The following SDK2 variants were observed in gnomAD, a reference collection of about 807,000 sequenced individuals.
The protein encoded by SDK2 is protein sidekick-2.
Under a neutral mutation model 253.9 loss-of-function variants are expected in SDK2, and 105 were observed. That is an observed-to-expected ratio of 0.41 (90% CI 0.35 to 0.49). The LOEUF (loss-of-function observed/expected upper bound fraction) is 0.49, where lower values mean the gene tolerates loss of function less well. Among genes scored for constraint, SDK2 ranks in the 20% least tolerant of loss-of-function variants. SDK2 has a pLI of 0.06. For missense variants in SDK2, 2,608 were observed against 3,003.0 expected (o/e 0.87, Z 3.07); for synonymous variants, 1,249 against 1,234.9 (o/e 1.01, Z -0.24).
At chr17:73,542,568 T>C (rs1389584435) in intron 1 of SDK2, among the ~76,000 whole-genome samples, 1 of 152,184 alleles carries the variant, frequency 6.6e-6, no homozygotes, top group Non-Finnish European at 1.5e-5. Context: ...AGCTGTGCCC[T>C]GCTGGGCAGG....
intron 1 of SDK2, among the ~76,000 whole-genome samples, chr17:73,581,283 C>T (rs1329841282): frequency 1.3e-5 from 2 of 152,220 alleles, no homozygotes; most frequent in Admixed American, 6.5e-5. Flanking sequence ...TCACTTTACA[C>T]TGGGCCCTGC....
intron 1 of SDK2, among the ~76,000 whole-genome samples, chr17:73,530,069 CG>C (rs2064157446): frequency 1.3e-5 from 2 of 152,248 alleles, no homozygotes; most frequent in East Asian, 3.9e-4. Flanking sequence ...GCATTCCAGT[CG>C]AACCCATACC....
Position 73,644,170 on chromosome 17 carries a change from T to A in SDK2, c.-82A>T. The A allele has an allele frequency of 8.4e-7, 1 of 1,190,798 alleles. No individual in the cohort carries two copies. The highest frequency in any genetic ancestry group is 1.2e-6 in the Non-Finnish European group (1 of 822,954). The allele number at this position is 1,190,798 out of a possible 1,614,324, so 73.8% of individuals were successfully genotyped here. A position where few individuals can be genotyped will look rare whatever the true frequency, so the allele number is the denominator to read the frequency against. The stretch of plus-strand genomic sequence containing the variant: ...AATCCTGGTGGGGTCCGATACCCCG[T>A]GGCTTAGTCCCAGGAAACAGTCAGT... On this transcript the variant is annotated 5_prime_UTR_variant, in exon 1 of 45. Coordinates refer to ENST00000392650, the MANE Select transcript of SDK2 (RefSeq NM_001144952.2). The surrounding 1 kb of genome is among the most constrained non-coding windows in gnomAD (Gnocchi z 6.3).
chr17:73,339,641 C>A (rs2062417149), intron 44 of SDK2, among the ~76,000 whole-genome samples: 1 of 152,026 alleles, frequency 6.6e-6, no homozygotes, highest in South Asian at 2.1e-4. Context: ...GTAGCCTCAA[C>A]CTCCTAAGCT....
At chr17:73,587,227 C>T (rs1252969287) in intron 1 of SDK2, among the ~76,000 whole-genome samples, 1 of 152,168 alleles carries the variant, frequency 6.6e-6, no homozygotes, top group Non-Finnish European at 1.5e-5. Context: ...GTCCCCTAGG[C>T]AAAATCAGCT....
intron 1 of SDK2, among the ~76,000 whole-genome samples, chr17:73,626,068 C>G (rs540946653): frequency 7.0e-6 from 1 of 143,840 alleles, no homozygotes; most frequent in Non-Finnish European, 1.6e-5. Flanking sequence ...GAGCACTGAG[C>G]GAGACAGAGC....
At chr17:73,497,674 A>G (rs1345663125) in intron 2 of SDK2, among the ~76,000 whole-genome samples, 2 of 151,088 alleles carry the variant, frequency 1.3e-5, no homozygotes, top group Non-Finnish European at 3.0e-5. Context: ...AAGATGGCCC[A>G]GCCGCCCCTC....
intron 44 of SDK2, among the ~76,000 whole-genome samples, chr17:73,346,698 A>G (rs1220549730): frequency 1.3e-5 from 2 of 152,212 alleles, no homozygotes; most frequent in Non-Finnish European, 2.9e-5. Flanking sequence ...ATATCACAGG[A>G]AAACGACTGG....
In SDK2 at chr17:73,381,414, CA is replaced by C. The variant is rs879356942; in HGVS notation, c.4706-465del. On this transcript the variant is annotated intron_variant, in intron 33 of 44. Coordinates refer to ENST00000392650, the MANE Select transcript of SDK2 (RefSeq NM_001144952.2). ...AATCACAACCACAAGCACATATGGG[CA>C]AAAAAAAAAAGAAGGAAAAAAAGTC... Among the ~76,000 whole-genome samples the C allele has an allele frequency of 1.5e-3, 200 of 137,680 alleles. 1 individual carries two copies. Among genetic ancestry groups the C allele is most frequent in the East Asian group, 7.2e-3 (35 of 4,834 alleles). 90.3% of individuals were successfully genotyped at this position (137,680 alleles called of 152,430 possible). A position where few individuals can be genotyped will look rare whatever the true frequency, so the allele number is the denominator to read the frequency against.
chr17:73,423,849 G>A, intron 13 of SDK2, 67 bp downstream of exon 13: 1 of 1,339,374 alleles, frequency 7.5e-7, no homozygotes, highest in South Asian at 1.4e-5. Context: ...GGACTCGGCT[G>A]GCTCTGAGCA....
At position 73,616,451 on chromosome 17, in the gene SDK2, C is replaced by T. The variant is rs2046058687; in HGVS notation, c.64+27574G>A. ...TTTCACTTGGGCAGGCTGACCGTGG[C>T]CTCAAGGACCACTGTCGCAATGCTT... On this transcript the variant is annotated intron_variant, in intron 1 of 44. Transcript: ENST00000392650. The surrounding 1 kb of genome is among the most constrained non-coding windows in gnomAD (Gnocchi z 5.2). Among the ~76,000 whole-genome samples the T allele has an allele frequency of 6.6e-6, 1 of 152,040 alleles. No individual in the cohort carries two copies. The highest frequency in any genetic ancestry group is 2.4e-5 in the African/African-American group (1 of 41,374).
In SDK2 at chr17:73,541,593, C is replaced by A. The variant is rs563502958; in HGVS notation, c.65-33996G>T. Among the ~76,000 whole-genome samples the A allele has an allele frequency of 1.8e-4, 28 of 152,142 alleles. No homozygotes were observed. In the South Asian group the frequency reaches 5.0e-3, roughly 27 times the overall value. On this transcript the variant is annotated intron_variant, in intron 1 of 44. Transcript: ENST00000392650. This position sits in a 1 kb window ranked among gnomAD's most constrained non-coding sequence, Gnocchi z 4.3. ...CTTCAAGGCCAGAGCTCGCCCCACC[C>A]TCCCTCCGTCTCTCCCTGCTGGCTC...
At chr17:73,539,983 C>T (rs1403841198) in intron 1 of SDK2, among the ~76,000 whole-genome samples, 2 of 139,884 alleles carry the variant, frequency 1.4e-5, no homozygotes, top group Non-Finnish European at 3.1e-5. Flanking sequence ...CTGTGAGCCA[C>T]GGTACCCAGG....
chr17:73,582,281 GGC>G lies in SDK2; in HGVS notation c.64+61742_64+61743del, dbSNP rs1261046301. Among the ~76,000 whole-genome samples the G allele has an allele frequency of 6.5e-3, 975 of 149,700 alleles. 12 individuals are homozygous for G. The highest frequency in any genetic ancestry group is 0.023 in the African/African-American group (932 of 40,346). On this transcript the variant is annotated intron_variant, in intron 1 of 44. Coordinates refer to ENST00000392650, the MANE Select transcript of SDK2 (RefSeq NM_001144952.2). ...CACCACGCAGGCATCAGCATTTGGG[GGC>G]GCACACCACGCAGGCATCAGCATTT... is the stretch of plus-strand genomic sequence containing the variant.
rs760687648 is a variant in SDK2, at chr17:73,375,831, GGGT to G, written c.4980+3343_4980+3345del. On this transcript the variant is annotated intron_variant, in intron 36 of 44. Coordinates refer to ENST00000392650, the MANE Select transcript of SDK2 (RefSeq NM_001144952.2). ...AGATCGCACCACTGCACTTCAGCCT[GGGT>G]GACAGAACAAGACTCCATCTCAGGA... Among the ~76,000 whole-genome samples the G allele has an allele frequency of 7.5e-4, 110 of 147,474 alleles. No homozygotes were observed. In the Middle Eastern group the frequency reaches 0.01, roughly 14 times the overall value.
At chr17:73,445,921 G>A (rs2063450292) in intron 5 of SDK2, among the ~76,000 whole-genome samples, 1 of 152,206 alleles carries the variant, frequency 6.6e-6, no homozygotes, top group Non-Finnish European at 1.5e-5. Context: ...GGGGGTCAGA[G>A]GTGACCTGCC....
chr17:73,346,858 C>A (rs896415282), intron 44 of SDK2, among the ~76,000 whole-genome samples: 1 of 152,148 alleles, frequency 6.6e-6, no homozygotes, highest in Admixed American at 6.5e-5. Flanking sequence ...CGGCTGAAAC[C>A]GAGGGGCCCT....
At chr17:73,424,187 G>C (rs986288768) in intron 12 of SDK2, 95 bp from the exon 13 acceptor site, 24 of 1,077,256 alleles carry the variant, frequency 2.2e-5, no homozygotes, top group Non-Finnish European at 2.9e-5. Context: ...TAGCTCCAAA[G>C]CTGGGCAGAG....
intron 2 of SDK2, among the ~76,000 whole-genome samples, chr17:73,505,893 G>A (rs2063931706): frequency 6.6e-6 from 1 of 152,202 alleles, no homozygotes; most frequent in South Asian, 2.1e-4. Context: ...GTTTTCAAAG[G>A]CAGGCCATTC....
Sources: allele counts gnomAD v4.1 joint callset (sites outside exome capture counted in the v4.1 genomes callset), GRCh38; gene constraint gnomAD v4.1.1; non-coding constraint Gnocchi (gnomAD v3.1); transcripts MANE v1.5; gene names NCBI Gene and HGNC (gene_info 2026-07-23, HGNC 2026-07-21).